Variants in FCRL4 observed in about 807,000 individuals in gnomAD.
FCRL4 encodes Fc receptor-like protein 4.
Under a neutral mutation model 64.1 loss-of-function variants are expected in FCRL4, and 43 were observed. The ratio of observed to expected loss-of-function variants is 0.67; its 90% CI spans 0.53 to 0.87. The LOEUF is 0.87. FCRL4 is among the 40% of genes least tolerant of loss of function. The pLI is 0.00. For missense variants in FCRL4, 656 were observed against 613.5 expected (o/e 1.07, Z -0.73); for synonymous variants, 253 against 239.8 (o/e 1.05, Z -0.51).
chr1:157,588,852 C>T (rs1652768913), intron 3 of FCRL4, among the ~76,000 whole-genome samples: 1 of 152,166 alleles, frequency 6.6e-6, no homozygotes, highest in African/African-American at 2.4e-5. Context: ...TGAGCTCCTT[C>T]GATGGCACTT....
Position 157,589,333 on chromosome 1 carries a change from G to T in FCRL4, c.178C>A (p.Arg60=), listed in dbSNP as rs368974409. The T allele has an allele frequency of 1.9e-6, 3 of 1,614,164 alleles. No individual in the cohort carries two copies. Among genetic ancestry groups the T allele is most frequent in the Non-Finnish European group, 2.5e-6 (3 of 1,180,032 alleles). The change falls in exon 3 of 12, where the codon CGG becomes AGG. Residue 60 remains arginine (R), a synonymous_variant. Transcript: ENST00000271532. ...YATEKTTWYH[R]HYWGEKLTLT... is the part of the protein sequence containing the mutation. Reference sequence around the variant, plus strand: ...GTCAACTTTTCTCCCCAGTAGTGCCGATGATACCATGTTGTTTTCTCTGTT... The same window carrying T: ...GTCAACTTTTCTCCCCAGTAGTGCCTATGATACCATGTTGTTTTCTCTGTT...
intron 2 of FCRL4, among the ~76,000 whole-genome samples, chr1:157,591,631 T>A (rs1347610758): frequency 6.6e-6 from 1 of 152,228 alleles, no homozygotes; most frequent in South Asian, 2.1e-4. Flanking sequence ...GCTCCTAACT[T>A]CCCAGACCTC....
At chr1:157,580,289 C>A in intron 8 of FCRL4, 32 bp downstream of exon 8, 1 of 1,613,426 alleles carries the variant, frequency 6.2e-7, no homozygotes, top group Non-Finnish European at 8.5e-7. Flanking sequence ...ACTCGGGAAA[C>A]TAAAAAGGAA....
At chr1:157,583,125 G>A (rs1051824309) in intron 6 of FCRL4, among the ~76,000 whole-genome samples, 27 of 152,144 alleles carry the variant, frequency 1.8e-4, no homozygotes, top group African/African-American at 6.5e-4. Context: ...GTGTGGGCAG[G>A]GAAAATTATT....
intron 6 of FCRL4, among the ~76,000 whole-genome samples, chr1:157,585,659 G>A (rs2101681134): frequency 6.6e-6 from 1 of 152,226 alleles, no homozygotes; most frequent in East Asian, 1.9e-4. Context: ...CTTCTTGTGA[G>A]TTTCCTGACC....
intron 8 of FCRL4, among the ~76,000 whole-genome samples, chr1:157,579,488 G>A (rs951025647): frequency 3.3e-5 from 5 of 152,102 alleles, no homozygotes; most frequent in African/African-American, 4.8e-5. Context: ...AGGCCGAGGC[G>A]GGCAGATCAC....
intron 6 of FCRL4, among the ~76,000 whole-genome samples, chr1:157,585,344 CTCTTTCTT>C (rs764765610): frequency 0.081 from 6,585 of 81,082 alleles, 217 homozygotes; most frequent in Non-Finnish European, 0.11. Flanking sequence ...CTTTCTCTCT[CTCTTTCTT>C]TCTTTCTTTC....
intron 1 of FCRL4, among the ~76,000 whole-genome samples, chr1:157,597,301 G>A (rs560116163): frequency 1.8e-4 from 28 of 152,220 alleles, no homozygotes; most frequent in East Asian, 1.5e-3. Context: ...AGACAAATAC[G>A]CTTAATAAAT....
chr1:157,577,514 A>G (rs1015192772), intron 10 of FCRL4, among the ~76,000 whole-genome samples: 3 of 152,218 alleles, frequency 2.0e-5, no homozygotes, highest in Non-Finnish European at 4.4e-5. Flanking sequence ...AGGACAAAAC[A>G]GTGGTTTTCA....
intron 10 of FCRL4, among the ~76,000 whole-genome samples, chr1:157,576,555 G>T (rs1186159190): frequency 6.6e-6 from 1 of 152,160 alleles, no homozygotes; most frequent in East Asian, 1.9e-4. Flanking sequence ...AATAATTCAA[G>T]TGTCTGAAAT....
At chr1:157,590,385 C>T (rs1269650772) in intron 2 of FCRL4, among the ~76,000 whole-genome samples, 4 of 152,218 alleles carry the variant, frequency 2.6e-5, no homozygotes, top group African/African-American at 9.6e-5. Flanking sequence ...TTTTGGATTT[C>T]AGATATTTGG....
intron 1 of FCRL4, among the ~76,000 whole-genome samples, 185 bp from the exon 2 acceptor site, chr1:157,596,533 G>A (rs1421767669): frequency 1.3e-5 from 2 of 152,118 alleles, no homozygotes. Flanking sequence ...CAGACAGTCT[G>A]GTTTGAATTT....
At chr1:157,583,694 A>G (rs534139207) in intron 6 of FCRL4, among the ~76,000 whole-genome samples, 11 of 152,100 alleles carry the variant, frequency 7.2e-5, no homozygotes, top group Non-Finnish European at 1.3e-4. Context: ...GAGGAAATAG[A>G]TTTCTGTTTT....
intron 6 of FCRL4, among the ~76,000 whole-genome samples, chr1:157,584,753 A>G (rs1041167985): frequency 6.6e-6 from 1 of 152,106 alleles, no homozygotes; most frequent in Non-Finnish European, 1.5e-5. Context: ...GGCCATTCGC[A>G]TAGCAACCCC....
At chr1:157,594,063 T>C (rs961323730) in intron 2 of FCRL4, among the ~76,000 whole-genome samples, 9 of 152,208 alleles carry the variant, frequency 5.9e-5, no homozygotes, top group Admixed American at 1.3e-4. Context: ...TGATGAGTCA[T>C]AAAATCACTA....
At chr1:157,583,953 G>A (rs1652618170) in intron 6 of FCRL4, among the ~76,000 whole-genome samples, 1 of 152,198 alleles carries the variant, frequency 6.6e-6, no homozygotes, top group African/African-American at 2.4e-5. Context: ...CTTAACAGAT[G>A]TTGACACCTG....
intron 10 of FCRL4, 81 bp from the exon 11 acceptor site, chr1:157,575,811 C>G: frequency 7.5e-7 from 1 of 1,327,122 alleles, no homozygotes; most frequent in Non-Finnish European, 1.1e-6. Context: ...GCCCTAGAGT[C>G]TGAGAGCCAC....
At chr1:157,589,114 A>G in intron 3 of FCRL4, 90 bp downstream of exon 3, 2 of 1,412,880 alleles carry the variant, frequency 1.4e-6, no homozygotes, top group Non-Finnish European at 9.7e-7. Context: ...GTTAGAGAGG[A>G]ATGAAAGACC....
intron 7 of FCRL4, 70 bp from the exon 8 acceptor site, chr1:157,580,418 G>T: frequency 6.6e-7 from 1 of 1,524,248 alleles, no homozygotes; most frequent in South Asian, 1.1e-5. Flanking sequence ...CATGTAACAG[G>T]AGCTATCTAA....
Sources: gnomAD v4.1 joint callset for allele counts (sites outside exome capture counted in the v4.1 genomes callset) on GRCh38, gnomAD v4.1.1 for gene constraint, MANE v1.5 for transcripts, NCBI Gene and HGNC (gene_info 2026-07-23, HGNC 2026-07-21) for gene names.